Variants in RBFOX1 observed in about 807,000 individuals in gnomAD.
The protein encoded by RBFOX1 is RNA binding fox-1 homolog 1.
Under a neutral mutation model 57.7 loss-of-function variants are expected in RBFOX1, and 8 were observed. The observed-to-expected ratio is 0.14, with a 90% confidence interval of 0.08 to 0.25. The LOEUF (loss-of-function observed/expected upper bound fraction) is 0.25, where lower values mean the gene tolerates loss of function less well. Among genes scored for constraint, RBFOX1 ranks in the 10% least tolerant of loss-of-function variants. The pLI, the probability that RBFOX1 is intolerant of heterozygous loss-of-function variation, is 1.00. For missense variants in RBFOX1, 611 were observed against 548.5 expected (o/e 1.11, Z -1.14); for synonymous variants, 326 against 222.4 (o/e 1.47, Z -4.15).
At chr16:6,643,197 T>G (rs1484847971) in intron 2 of RBFOX1, among the ~76,000 whole-genome samples, 1 of 152,178 alleles carries the variant, frequency 6.6e-6, no homozygotes, top group Non-Finnish European at 1.5e-5. Context: ...ATTTAAAAAG[T>G]TTACGGACCT....
chr16:7,097,027 G>C (rs2061819828), intron 4 of RBFOX1, among the ~76,000 whole-genome samples: 1 of 151,852 alleles, frequency 6.6e-6, no homozygotes, highest in Admixed American at 6.6e-5. Context: ...ATGAATCCTG[G>C]TTTGGTAAAA....
chr16:5,823,091 C>G (rs1378997303), intron 3 of RBFOX1, among the ~76,000 whole-genome samples: 1 of 152,158 alleles, frequency 6.6e-6, no homozygotes, highest in Admixed American at 6.5e-5. Context: ...TGGAACTTTT[C>G]CCTCTTAGCG....
At chr16:6,613,805 G>C (rs1197853759) in intron 2 of RBFOX1, among the ~76,000 whole-genome samples, 1 of 152,200 alleles carries the variant, frequency 6.6e-6, no homozygotes, top group Non-Finnish European at 1.5e-5. Flanking sequence ...GGGTGTGGTG[G>C]TGTGTGCCTG....
At chr16:6,567,638 C>T (rs200070848) in intron 2 of RBFOX1, among the ~76,000 whole-genome samples, 3 of 152,102 alleles carry the variant, frequency 2.0e-5, no homozygotes, top group East Asian at 1.9e-4. Context: ...ATTTCAGCGC[C>T]ACATCCCAGC....
At chr16:7,660,245 T>C (rs1182017573) in intron 12 of RBFOX1, among the ~76,000 whole-genome samples, 1 of 152,222 alleles carries the variant, frequency 6.6e-6, no homozygotes, top group Non-Finnish European at 1.5e-5. Context: ...GAAAATAAGA[T>C]GTGCATTTGC....
chr16:5,995,971 G>A (rs758489585), intron 4 of RBFOX1, among the ~76,000 whole-genome samples: 1 of 152,146 alleles, frequency 6.6e-6, no homozygotes, highest in Non-Finnish European at 1.5e-5. Flanking sequence ...CCCATGTTGT[G>A]GTTCATAGAT....
At chr16:6,620,485 A>G (rs765203394) in intron 2 of RBFOX1, among the ~76,000 whole-genome samples, 8 of 152,250 alleles carry the variant, frequency 5.3e-5, no homozygotes, top group Admixed American at 3.3e-4. Flanking sequence ...AAGACAGGAA[A>G]TAACCAAAAT....
At chr16:5,516,792 C>T (rs1308585811) in intron 2 of RBFOX1, among the ~76,000 whole-genome samples, 1 of 152,110 alleles carries the variant, frequency 6.6e-6, no homozygotes, top group Non-Finnish European at 1.5e-5. Context: ...GGCTTTTCTC[C>T]TTTTGCTCGG....
chr16:5,573,844 C>T (rs2046365548), intron 2 of RBFOX1, among the ~76,000 whole-genome samples: 1 of 152,066 alleles, frequency 6.6e-6, no homozygotes. Flanking sequence ...GTCCCAGCTA[C>T]TTGGGAGGCT....
At chr16:5,814,506 A>G (rs899701019) in intron 3 of RBFOX1, among the ~76,000 whole-genome samples, 2 of 152,190 alleles carry the variant, frequency 1.3e-5, no homozygotes, top group Admixed American at 6.5e-5. Context: ...AATTCCATCA[A>G]TGCCCAATTC....
chr16:6,181,540 C>T (rs990201433), intron 1 of RBFOX1, among the ~76,000 whole-genome samples: 8 of 152,132 alleles, frequency 5.3e-5, no homozygotes, highest in Non-Finnish European at 1.5e-5. Context: ...ATATTTTTCA[C>T]GTGAACTTGC....
At chr16:5,813,214 G>C (rs1162064458) in intron 3 of RBFOX1, among the ~76,000 whole-genome samples, 3 of 152,120 alleles carry the variant, frequency 2.0e-5, no homozygotes, top group African/African-American at 7.2e-5. Flanking sequence ...CACCATCTTG[G>C]TGAGGCTGGT....
chr16:5,550,892 C>T (rs956152734), intron 2 of RBFOX1, among the ~76,000 whole-genome samples: 17 of 152,178 alleles, frequency 1.1e-4, no homozygotes, highest in African/African-American at 4.1e-4. Context: ...CAGGACTGAT[C>T]TTTAAAGAAA....
intron 1 of RBFOX1, among the ~76,000 whole-genome samples, chr16:5,245,948 A>G (rs1478261330): frequency 6.6e-6 from 1 of 152,142 alleles, no homozygotes; most frequent in Non-Finnish European, 1.5e-5. Flanking sequence ...GAATTAAGCA[A>G]TCTTTTATAT....
intron 1 of RBFOX1, among the ~76,000 whole-genome samples, chr16:6,216,952 G>C (rs909462798): frequency 6.7e-6 from 1 of 150,262 alleles, no homozygotes; most frequent in Non-Finnish European, 1.5e-5. Flanking sequence ...TCTTCTGATC[G>C]TTCACCTTTT....
chr16:7,167,137 C>T (rs1242488794), intron 4 of RBFOX1, among the ~76,000 whole-genome samples: 1 of 151,284 alleles, frequency 6.6e-6, no homozygotes, highest in Non-Finnish European at 1.5e-5. Flanking sequence ...AGGTGCCTGT[C>T]ATCATACGTG....
At chr16:5,563,199 T>G (rs1039110227) in intron 2 of RBFOX1, among the ~76,000 whole-genome samples, 3 of 152,220 alleles carry the variant, frequency 2.0e-5, no homozygotes, top group Non-Finnish European at 2.9e-5. Flanking sequence ...TCTGCCTGCC[T>G]TGGCCTCCCA....
chr16:6,346,306 T>C (rs1599877016), intron 2 of RBFOX1, among the ~76,000 whole-genome samples: 2 of 152,316 alleles, frequency 1.3e-5, no homozygotes, highest in East Asian at 3.9e-4. Flanking sequence ...TAAATTTAAC[T>C]ATATTTGGCC....
chr16:6,842,167 T>A (rs1463204337), intron 3 of RBFOX1, among the ~76,000 whole-genome samples: 1 of 150,488 alleles, frequency 6.6e-6, no homozygotes, highest in Admixed American at 6.6e-5. Context: ...AATAAATAAA[T>A]AAATAAATAA....
Sources: gnomAD v4.1 joint callset for allele counts (sites outside exome capture counted in the v4.1 genomes callset) on GRCh38, gnomAD v4.1.1 for gene constraint, MANE v1.5 for transcripts, NCBI Gene and HGNC (gene_info 2026-07-23, HGNC 2026-07-21) for gene names.